Variants in SUFU observed in about 807,000 individuals in gnomAD.
The protein encoded by SUFU is suppressor of fused homolog.
SUFU carries 7 observed loss-of-function variants against 58.9 expected under a neutral mutation model. The observed-to-expected ratio is 0.12, with a 90% CI of 0.07 to 0.22. The LOEUF (loss-of-function observed/expected upper bound fraction) is 0.22. SUFU is among the 10% of genes least tolerant of loss of function. SUFU has a pLI of 1.00. For missense variants in SUFU, 451 were observed against 641.3 expected, an observed-to-expected ratio of 0.70 and a Z score of 3.20; for synonymous variants, 232 against 254.8, an observed-to-expected ratio of 0.91 and a Z score of 0.85.
intron 8 of SUFU, among the ~76,000 whole-genome samples, chr10:102,608,379 T>C (rs557697837): frequency 6.6e-6 from 1 of 152,088 alleles, no homozygotes; most frequent in East Asian, 1.9e-4. Context: ...GAAAAAGATA[T>C]TGTATGAGCT....
Position 102,610,392 on chromosome 10 carries a change from CAA to C in SUFU, c.1023-4866_1023-4865del, listed in dbSNP as rs541858690. On this transcript the variant is annotated intron_variant, in intron 8 of 11. Transcript: ENST00000369902. ...TGGGCGTCGCAGCAAGACTCTGTCTCAAAAAAAAAAAGAAAAAGAGAAAAGAA... is the reference window on the plus strand; with the variant it reads ...TGGGCGTCGCAGCAAGACTCTGTCTCAAAAAAAAAGAAAAAGAGAAAAGAA... Among the ~76,000 whole-genome samples, 882 of 124,046 alleles carry C rather than the reference CAA, an allele frequency of 7.1e-3. 28 individuals are homozygous for C. The highest frequency in any genetic ancestry group is 7.4e-3 in the Non-Finnish European group (452 of 61,368). 81.4% of individuals were successfully genotyped at this position (124,046 alleles called of 152,430 possible). A position where few individuals can be genotyped will look rare whatever the true frequency, so the allele number is the denominator to read the frequency against.
chr10:102,583,183 G>A (rs2063300675), intron 3 of SUFU, among the ~76,000 whole-genome samples: 1 of 152,178 alleles, frequency 6.6e-6, no homozygotes, highest in African/African-American at 2.4e-5. Context: ...TTTGTCCCAT[G>A]CTTGAAAACT....
chr10:102,597,242 G>A lies in SUFU; in HGVS notation c.859G>A (p.Asp287Asn), dbSNP rs750436246. The change falls in exon 7 of 12, where the codon GAC (aspartate) becomes AAC (asparagine). Residue 287 changes from aspartate to asparagine, a missense_variant. Transcript: ENST00000369902. Reference sequence around the variant, plus strand: ...GAGCCGGCCCCCCGAGGATGACGAGGACAGCCGGAGCATCTGCATCGGCAC... The same window carrying A: ...GAGCCGGCCCCCCGAGGATGACGAGAACAGCCGGAGCATCTGCATCGGCAC... ...DLSRPPEDDE[D>N]SRSICIGTQP... 2 of 1,614,024 alleles carry A rather than the reference G, an allele frequency of 1.2e-6. No homozygotes were observed. Among genetic ancestry groups the A allele is most frequent in the South Asian group, 2.2e-5 (2 of 91,086 alleles).
At chr10:102,551,637 CA>C (rs1185647428) in intron 3 of SUFU, among the ~76,000 whole-genome samples, 142 of 92,098 alleles carry the variant, frequency 1.5e-3, no homozygotes, top group East Asian at 3.3e-3. Flanking sequence ...GACTCCGTAT[CA>C]AAAAAAAAAA....
intron 10 of SUFU, among the ~76,000 whole-genome samples, chr10:102,620,178 T>C (rs771934912): frequency 2.6e-5 from 4 of 152,310 alleles, no homozygotes; most frequent in African/African-American, 4.8e-5. Flanking sequence ...GGGATGACTT[T>C]GTTACAGCAG....
chr10:102,586,758 T>C (rs2135848454), intron 3 of SUFU, among the ~76,000 whole-genome samples: 1 of 152,370 alleles, frequency 6.6e-6, no homozygotes, highest in East Asian at 1.9e-4. Flanking sequence ...GTGACATTAT[T>C]AAGTACATTC....
At chr10:102,550,953 A>C (rs181900312) in intron 3 of SUFU, among the ~76,000 whole-genome samples, 12 of 152,200 alleles carry the variant, frequency 7.9e-5, no homozygotes, top group Admixed American at 2.0e-4. Flanking sequence ...CATGTTGGTC[A>C]GGCTGCTATC....
intron 3 of SUFU, among the ~76,000 whole-genome samples, chr10:102,578,524 A>C (rs1247436627): frequency 6.6e-6 from 1 of 151,974 alleles, no homozygotes; most frequent in African/African-American, 2.4e-5. Flanking sequence ...CCTGGCCAAC[A>C]TGGTGAAACC....
intron 2 of SUFU, among the ~76,000 whole-genome samples, chr10:102,520,847 A>G (rs2062543106): frequency 6.6e-6 from 1 of 152,152 alleles, no homozygotes; most frequent in South Asian, 2.1e-4. Flanking sequence ...TTTGTTATGT[A>G]CCACAGTTTA....
At chr10:102,574,208 C>T (rs1564688564) in intron 3 of SUFU, among the ~76,000 whole-genome samples, 1 of 151,942 alleles carries the variant, frequency 6.6e-6, no homozygotes, top group Non-Finnish European at 1.5e-5. Flanking sequence ...AACTCAGAAG[C>T]AAAATAAAAC....
chr10:102,543,190 G>A (rs142162238), intron 2 of SUFU, among the ~76,000 whole-genome samples: 117 of 152,276 alleles, frequency 7.7e-4, no homozygotes, highest in African/African-American at 2.6e-3. Flanking sequence ...ACATATGAGA[G>A]TGTCTCTTCC....
intron 2 of SUFU, 51 bp from the exon 3 acceptor site, chr10:102,549,919 G>GT (rs777303451): frequency 6.2e-7 from 1 of 1,612,476 alleles, no homozygotes; most frequent in Admixed American, 1.7e-5. Context: ...TCAAGAGAGT[G>GT]TTTTTCCTAA....
chr10:102,526,911 G>C (rs2062614468), intron 2 of SUFU, among the ~76,000 whole-genome samples: 2 of 151,422 alleles, frequency 1.3e-5, no homozygotes, highest in African/African-American at 4.9e-5. Context: ...TGGTAAGAGA[G>C]AACAGTGGAA....
At chr10:102,550,216 A>C in intron 3 of SUFU, 110 bp downstream of exon 3, 1 of 1,497,410 alleles carries the variant, frequency 6.7e-7, no homozygotes. Context: ...TCCTGGGAGT[A>C]CTATGCCCCA....
chr10:102,551,985 A>T (rs895682237), intron 3 of SUFU, among the ~76,000 whole-genome samples: 5 of 151,860 alleles, frequency 3.3e-5, no homozygotes, highest in Non-Finnish European at 7.4e-5. Flanking sequence ...TCAGCCTCCC[A>T]AAGTGTTGGG....
chr10:102,590,160 C>CTT (rs1287182435), intron 3 of SUFU, among the ~76,000 whole-genome samples: 2 of 46,500 alleles, frequency 4.3e-5, no homozygotes, highest in African/African-American at 1.8e-4. Context: ...TTTCTTTTTT[C>CTT]TTTTTTTTTT....
intron 8 of SUFU, among the ~76,000 whole-genome samples, chr10:102,600,706 G>A (rs1055652367): frequency 1.3e-5 from 2 of 152,186 alleles, no homozygotes; most frequent in Admixed American, 1.3e-4. Flanking sequence ...AACTCAAGAG[G>A]ATAGCACAGG....
At chr10:102,563,661 A>T (rs566885631) in intron 3 of SUFU, among the ~76,000 whole-genome samples, 1 of 152,064 alleles carries the variant, frequency 6.6e-6, no homozygotes, top group South Asian at 2.1e-4. Context: ...ATGCCACTGC[A>T]CTCCAGCCTA....
chr10:102,547,315 A>T (rs372039601), intron 2 of SUFU, among the ~76,000 whole-genome samples: 1 of 152,182 alleles, frequency 6.6e-6, no homozygotes, highest in Middle Eastern at 3.4e-3. Context: ...AGCTCTTCCA[A>T]CTTCAGTTTG....
Sources: allele counts gnomAD v4.1 joint callset (sites outside exome capture counted in the v4.1 genomes callset), GRCh38; gene constraint gnomAD v4.1.1; transcripts MANE v1.5; gene names NCBI Gene and HGNC (gene_info 2026-07-23, HGNC 2026-07-21).